The following VPS13B variants were observed in gnomAD, a reference collection of about 807,000 sequenced individuals.
VPS13B encodes intermembrane lipid transfer protein VPS13B.
Under a neutral mutation model 426.4 loss-of-function variants are expected in VPS13B, and 285 were observed. The observed-to-expected ratio is 0.67, with a 90% CI of 0.61 to 0.74. VPS13B has a LOEUF of 0.74. Among genes scored for constraint, VPS13B ranks in the 30% least tolerant of loss-of-function variants. VPS13B has a pLI of 0.00. For synonymous variants in VPS13B, 1,676 were observed against 1,676.4 expected (o/e 1.00, Z 0.01); for missense variants, 4,537 against 4,782.6 (o/e 0.95, Z 1.51).
intron 8 of VPS13B, among the ~76,000 whole-genome samples, chr8:99,123,882 GGT>G (rs1848065183): frequency 6.6e-6 from 1 of 152,186 alleles, no homozygotes; most frequent in African/African-American, 2.4e-5. Context: ...GTTTTGGATA[GGT>G]TTAAGATGCC....
intron 11 of VPS13B, 26 bp from the exon 12 acceptor site, chr8:99,136,639 T>C (rs1199663450): frequency 6.2e-7 from 1 of 1,612,514 alleles, no homozygotes. Context: ...ACAATGTTTA[T>C]TCTGTTTGCA....
At chr8:99,527,425 C>A (rs181842153) in intron 30 of VPS13B, among the ~76,000 whole-genome samples, 1 of 152,230 alleles carries the variant, frequency 6.6e-6, no homozygotes, top group East Asian at 1.9e-4. Context: ...TAACCCTTTA[C>A]CTTCTTTACT....
chr8:99,558,513 A>G (rs568626031), intron 31 of VPS13B, among the ~76,000 whole-genome samples: 14 of 151,946 alleles, frequency 9.2e-5, no homozygotes, highest in Non-Finnish European at 1.5e-4. Flanking sequence ...GCACCCATTA[A>G]CTCATCATTT....
chr8:99,764,541 A>T (rs575424187), intron 39 of VPS13B, among the ~76,000 whole-genome samples: 1 of 151,254 alleles, frequency 6.6e-6, no homozygotes, highest in African/African-American at 2.4e-5. Context: ...AGCCTCCTGA[A>T]TAGCTGGGAC....
intron 19 of VPS13B, among the ~76,000 whole-genome samples, chr8:99,371,492 TGTA>T (rs921003334): frequency 1.3e-5 from 2 of 152,210 alleles, no homozygotes; most frequent in African/African-American, 4.8e-5. Context: ...ACTGTAGCCT[TGTA>T]GTATAGTTTG....
rs986264102 is a variant in VPS13B, at chr8:99,793,860, G to A, written c.7941+9384G>A. Among the ~76,000 whole-genome samples the A allele has an allele frequency of 3.9e-5, 6 of 152,216 alleles. No homozygotes were observed. In the South Asian group the frequency reaches 8.3e-4, roughly 21 times the overall value. ...CTAAGGTTTGATAGCTGCATGAAGA[G>A]TGGACAGTTTCTTAATTTCTTGGCA... On this transcript the variant is annotated intron_variant, in intron 43 of 61. Transcript: ENST00000357162.
At chr8:99,422,246 G>A (rs138523439) in intron 21 of VPS13B, among the ~76,000 whole-genome samples, 24 of 152,096 alleles carry the variant, frequency 1.6e-4, no homozygotes, top group African/African-American at 5.3e-4. Context: ...ATAGCTATTT[G>A]AACAACACTT....
intron 19 of VPS13B, among the ~76,000 whole-genome samples, chr8:99,293,840 A>G (rs1460647877): frequency 6.7e-6 from 1 of 148,832 alleles, no homozygotes; most frequent in African/African-American, 2.5e-5. Context: ...CCACAATGAG[A>G]TACCATCTCA....
Position 99,135,610 on chromosome 8 carries a change from C to T in VPS13B, c.1440C>T (p.Phe480=), listed in dbSNP as rs141324814. The change falls in exon 11 of 62, where the codon TTC becomes TTT. Residue 480 remains phenylalanine, a synonymous_variant. Coordinates refer to ENST00000357162, the MANE Select transcript of VPS13B (RefSeq NM_152564.5). ...MNRSETEACF[F]ICGDNLSTKG... The stretch of plus-strand genomic sequence containing the variant: ...TTTGTTTTCAGGAAGCCTGTTTCTT[C>T]ATTTGTGGTGACAATTTGAGTACGA... 713 of 1,613,180 alleles carry T rather than the reference C, an allele frequency of 4.4e-4. 3 individuals are homozygous for T. The highest frequency in any genetic ancestry group is 1.7e-3 in the South Asian group (156 of 91,030).
intron 23 of VPS13B, among the ~76,000 whole-genome samples, chr8:99,454,408 G>A (rs773284441): frequency 2.0e-5 from 3 of 152,250 alleles, no homozygotes; most frequent in Non-Finnish European, 4.4e-5. Flanking sequence ...GGTCTTAGGT[G>A]ATCCTCCCAC....
At position 99,812,080 on chromosome 8, in the gene VPS13B, C is replaced by T. The variant is rs549589073; in HGVS notation, c.8097+2550C>T. The stretch of plus-strand genomic sequence containing the variant: ...GTGTTCCTGCACAAATATTACACAT[C>T]GCAACAGTATACCTACCAAATGTCA... On this transcript the variant is annotated intron_variant, in intron 44 of 61. Transcript: ENST00000357162. Among the ~76,000 whole-genome samples, 248 of 152,166 alleles carry T rather than the reference C, an allele frequency of 1.6e-3. 1 individual carries two copies. The highest frequency in any genetic ancestry group is 5.4e-3 in the African/African-American group (224 of 41,526).
At chr8:99,016,136 G>A (rs1376860076) in intron 2 of VPS13B, among the ~76,000 whole-genome samples, 1 of 152,140 alleles carries the variant, frequency 6.6e-6, no homozygotes, top group East Asian at 1.9e-4. Flanking sequence ...TCATTCTCCT[G>A]TTGATGGACA....
chr8:99,213,152 G>A (rs1370611569), intron 17 of VPS13B, among the ~76,000 whole-genome samples: 4 of 152,198 alleles, frequency 2.6e-5, no homozygotes, highest in South Asian at 2.1e-4. Flanking sequence ...TATGGCGTGT[G>A]TTTTTTGTAC....
chr8:99,498,903 C>G (rs552228670), intron 25 of VPS13B, among the ~76,000 whole-genome samples: 1 of 152,064 alleles, frequency 6.6e-6, no homozygotes, highest in Non-Finnish European at 1.5e-5. Context: ...AAACAGTGGT[C>G]GAAGTGTTTA....
At chr8:99,628,652 A>G (rs555452754) in intron 33 of VPS13B, among the ~76,000 whole-genome samples, 36 of 152,318 alleles carry the variant, frequency 2.4e-4, no homozygotes, top group Admixed American at 2.3e-3. Context: ...TTTTTGAGTC[A>G]TGGTTAAGAG....
chr8:99,834,020 A>G lies in VPS13B; in HGVS notation c.9615-1177A>G, dbSNP rs1018900155. Among the ~76,000 whole-genome samples, 4 of 152,244 alleles carry G rather than the reference A, an allele frequency of 2.6e-5. No individual in the cohort carries two copies. In the South Asian group the frequency reaches 6.2e-4, roughly 24 times the overall value. On this transcript the variant is annotated intron_variant, in intron 52 of 61. Coordinates refer to ENST00000357162, the MANE Select transcript of VPS13B (RefSeq NM_152564.5). Reference sequence around the variant, plus strand: ...CTCAATCCAACCAACAGCACACATTAGATGGTGTGATTAATGTGCTTTTAC... The same window carrying G: ...CTCAATCCAACCAACAGCACACATTGGATGGTGTGATTAATGTGCTTTTAC...
intron 60 of VPS13B, 166 bp from the exon 61 acceptor site, chr8:99,871,278 ATCAG>A: frequency 8.6e-6 from 9 of 1,041,832 alleles, no homozygotes; most frequent in African/African-American, 1.6e-5. Flanking sequence ...GGTTCTGTTA[ATCAG>A]AATCAGTCTG....
At chr8:99,728,782 C>G (rs1005722240) in intron 39 of VPS13B, among the ~76,000 whole-genome samples, 5 of 152,086 alleles carry the variant, frequency 3.3e-5, no homozygotes, top group African/African-American at 1.2e-4. Context: ...TTAGCTTAAG[C>G]TAAAATGAGG....
At chr8:99,230,664 G>A (rs767881651) in intron 17 of VPS13B, among the ~76,000 whole-genome samples, 6 of 152,162 alleles carry the variant, frequency 3.9e-5, no homozygotes, top group Admixed American at 6.5e-5. Flanking sequence ...TCTGTAGAAC[G>A]GGGAACACCG....
Sources: allele counts gnomAD v4.1 joint callset (sites outside exome capture counted in the v4.1 genomes callset), GRCh38; gene constraint gnomAD v4.1.1; transcripts MANE v1.5; gene names NCBI Gene and HGNC (gene_info 2026-07-23, HGNC 2026-07-21).